Variants in KCNJ3 observed in about 807,000 individuals in gnomAD.
KCNJ3 encodes the protein G protein-activated inward rectifier potassium channel 1.
A neutral mutation model predicts 39.2 loss-of-function variants in KCNJ3; 4 were observed. The observed-to-expected ratio is 0.10, with a 90% CI of 0.05 to 0.23. The LOEUF is 0.23. KCNJ3 is among the 10% of genes least tolerant of loss of function. The probability of loss-of-function intolerance (pLI) is 1.00; values close to 1 mark genes in which losing one functional copy is unlikely to be tolerated. For synonymous variants in KCNJ3, 230 were observed against 237.4 expected (o/e 0.97, Z 0.29); for missense variants, 276 against 634.9 (o/e 0.43, Z 6.08).
chr2:154,798,805 T>G (rs1686762664), intron 2 of KCNJ3, among the ~76,000 whole-genome samples: 1 of 152,208 alleles, frequency 6.6e-6, no homozygotes, highest in Non-Finnish European at 1.5e-5. Flanking sequence ...TTGTTGTATG[T>G]TTATAGCACA....
At chr2:154,737,520 A>C (rs986491824) in intron 2 of KCNJ3, among the ~76,000 whole-genome samples, 1 of 152,170 alleles carries the variant, frequency 6.6e-6, no homozygotes, top group African/African-American at 2.4e-5. Flanking sequence ...GAGGAGAAAA[A>C]TCAATCCAGG....
At chr2:154,756,886 G>A (rs1261089434) in intron 2 of KCNJ3, among the ~76,000 whole-genome samples, 11 of 151,956 alleles carry the variant, frequency 7.2e-5, no homozygotes, top group Admixed American at 6.6e-4. Context: ...CATTTGTACT[G>A]TAGAAAGAGC....
intron 2 of KCNJ3, among the ~76,000 whole-genome samples, chr2:154,745,426 T>G (rs956074772): frequency 2.6e-5 from 4 of 152,068 alleles, no homozygotes; most frequent in African/African-American, 9.7e-5. Flanking sequence ...ACATTTAGGA[T>G]TGCTATATCT....
chr2:154,737,627 A>G (rs933531623), intron 2 of KCNJ3, among the ~76,000 whole-genome samples: 1 of 152,212 alleles, frequency 6.6e-6, no homozygotes, highest in Non-Finnish European at 1.5e-5. Context: ...AAAATACTCC[A>G]ACCAAGCTTC....
rs1004248850 is a variant in KCNJ3 at position 154,855,992 on chromosome 2, A to ATTTT, written c.*680_*683dup. The ATTTT allele has an allele frequency of 1.3e-5, 2 of 152,510 alleles. No individual in the cohort carries two copies. The highest frequency in any genetic ancestry group is 6.6e-5 in the Admixed American group (1 of 15,252). 9.4% of individuals were successfully genotyped at this position (152,510 alleles called of 1,614,324 possible). A position where few individuals can be genotyped will look rare whatever the true frequency, so the allele number is the denominator to read the frequency against. ...AAGGTCTTGGGAGGCTTTCAATTGT[A>ATTTT]TTTTATATGAGAGAATCACACAAGT... On this transcript the variant is annotated 3_prime_UTR_variant, in exon 3 of 3. Transcript: ENST00000295101.
At chr2:154,750,117 T>G (rs1685812719) in intron 2 of KCNJ3, among the ~76,000 whole-genome samples, 1 of 152,046 alleles carries the variant, frequency 6.6e-6, no homozygotes, top group African/African-American at 2.4e-5. Flanking sequence ...AAGTTATATT[T>G]TTTCTCATAT....
At chr2:154,801,718 C>T (rs1474244470) in intron 2 of KCNJ3, among the ~76,000 whole-genome samples, 1 of 151,886 alleles carries the variant, frequency 6.6e-6, no homozygotes, top group Non-Finnish European at 1.5e-5. Context: ...CCTTTACCCT[C>T]CAGGTTCAAG....
At chr2:154,720,745 G>A (rs1264848688) in intron 2 of KCNJ3, among the ~76,000 whole-genome samples, 1 of 152,122 alleles carries the variant, frequency 6.6e-6, no homozygotes. Context: ...GATGACTAGA[G>A]AAGGTTTGGA....
chr2:154,714,482 C>T (rs3106654), intron 2 of KCNJ3, among the ~76,000 whole-genome samples: 79,388 of 151,892 alleles, frequency 0.52, 21,598 homozygotes, highest in African/African-American at 0.68. Flanking sequence ...TTTTAGTGAA[C>T]TCACAAAGTG....
At chr2:154,796,895 C>A (rs762964140) in intron 2 of KCNJ3, among the ~76,000 whole-genome samples, 1 of 152,112 alleles carries the variant, frequency 6.6e-6, no homozygotes, top group Non-Finnish European at 1.5e-5. Flanking sequence ...GCATCAAAAT[C>A]AGTGGCTATA....
Position 154,766,541 on chromosome 2 carries a change from ATTTG to A in KCNJ3, c.919+56726_919+56729del, listed in dbSNP as rs1429941034. On this transcript the variant is annotated intron_variant, in intron 2 of 2. Coordinates refer to ENST00000295101, the MANE Select transcript of KCNJ3 (RefSeq NM_002239.4). ...ATCCATAATTATTTATATATTATTT[ATTTG>A]TTTATTTATTTTTATTTTATATATT... 2.1e-4 allele frequency among the ~76,000 whole-genome samples: 32 copies of A among 151,724 alleles called. No individual in the cohort carries two copies. The East Asian group carries it at 4.1e-3, about 19-fold the overall frequency.
intron 2 of KCNJ3, among the ~76,000 whole-genome samples, chr2:154,828,851 T>TC (rs1687313994): frequency 6.6e-6 from 1 of 152,184 alleles, no homozygotes; most frequent in Admixed American, 6.5e-5. Flanking sequence ...TTTGAGTTTT[T>TC]CAAACAAAAT....
At position 154,755,172 on chromosome 2, in the gene KCNJ3, GT is replaced by G. The variant is rs1405903435; in HGVS notation, c.919+45358del. On this transcript the variant is annotated intron_variant, in intron 2 of 2. Transcript: ENST00000295101. ...CTAGAGAGTTTTCCACATTTTTAAAGTTTTTCAGAGAATAAAATTTTGAATT... is the reference window on the plus strand; with the variant it reads ...CTAGAGAGTTTTCCACATTTTTAAAGTTTTCAGAGAATAAAATTTTGAATT... 2.0e-5 allele frequency among the ~76,000 whole-genome samples: 3 copies of G among 152,006 alleles called. No homozygotes were observed. In the East Asian group the frequency reaches 5.8e-4, roughly 29 times the overall value.
rs763368732 is a variant in KCNJ3, at chr2:154,698,740, C to A, written c.-36C>A. The A allele has an allele frequency of 7.5e-7, 1 of 1,332,614 alleles. No homozygotes were observed. The highest frequency in any genetic ancestry group is 1.9e-5 in the Admixed American group (1 of 51,674). 82.5% of individuals were successfully genotyped at this position (1,332,614 alleles called of 1,614,324 possible). A position where few individuals can be genotyped will look rare whatever the true frequency, so the allele number is the denominator to read the frequency against. Reference sequence around the variant, plus strand: ...TTGCAGCGCCCAGCTCCTGCGCCTTCGCTTCGCGTTTGAATCTGGCTCGCC... The same window carrying A: ...TTGCAGCGCCCAGCTCCTGCGCCTTAGCTTCGCGTTTGAATCTGGCTCGCC... On this transcript the variant is annotated 5_prime_UTR_variant, in exon 1 of 3. Transcript: ENST00000295101.
chr2:154,794,944 A>G (rs757343292), intron 2 of KCNJ3, among the ~76,000 whole-genome samples: 1 of 152,008 alleles, frequency 6.6e-6, no homozygotes, highest in Non-Finnish European at 1.5e-5. Context: ...TCAACAGTGT[A>G]TGCCAAGCAC....
At chr2:154,739,410 C>T (rs1001640847) in intron 2 of KCNJ3, among the ~76,000 whole-genome samples, 12 of 151,902 alleles carry the variant, frequency 7.9e-5, no homozygotes, top group Admixed American at 6.6e-5. Flanking sequence ...AATAAGTGTC[C>T]AGTTGAATTT....
chr2:154,799,211 A>G (rs1480095381), intron 2 of KCNJ3, among the ~76,000 whole-genome samples: 2 of 152,160 alleles, frequency 1.3e-5, no homozygotes, highest in Non-Finnish European at 2.9e-5. Flanking sequence ...GGCTTAGTGC[A>G]ACCTCCTCCT....
intron 2 of KCNJ3, among the ~76,000 whole-genome samples, chr2:154,844,633 T>A (rs896908098): frequency 1.3e-5 from 2 of 152,186 alleles, no homozygotes; most frequent in Non-Finnish European, 2.9e-5. Context: ...GCTTTGTTTA[T>A]CTACTCAAGC....
At chr2:154,840,841 G>T (rs1230523547) in intron 2 of KCNJ3, among the ~76,000 whole-genome samples, 2 of 152,118 alleles carry the variant, frequency 1.3e-5, no homozygotes, top group African/African-American at 2.4e-5. Flanking sequence ...GGGCTGAGAT[G>T]ATGGGGTTTT....
Sources: allele counts gnomAD v4.1 joint callset (sites outside exome capture counted in the v4.1 genomes callset), GRCh38; gene constraint gnomAD v4.1.1; transcripts MANE v1.5; gene names NCBI Gene and HGNC (gene_info 2026-07-23, HGNC 2026-07-21).